Variants in ADAM12 observed in about 807,000 individuals in gnomAD.
The protein encoded by ADAM12 is disintegrin and metalloproteinase domain-containing protein 12.
A neutral mutation model predicts 106.4 loss-of-function variants in ADAM12; 70 were observed. The observed-to-expected ratio is 0.66, with a 90% CI of 0.54 to 0.80. The LOEUF (loss-of-function observed/expected upper bound fraction) is 0.80. Among genes scored for constraint, ADAM12 ranks in the 30% least tolerant of loss-of-function variants. ADAM12 has a pLI of 0.00. For missense variants in ADAM12, 1,010 were observed against 1,171.9 expected (o/e 0.86, Z 2.02); for synonymous variants, 420 against 433.5 (o/e 0.97, Z 0.39).
At chr10:126,119,350 T>C (rs1294265052) in intron 5 of ADAM12, among the ~76,000 whole-genome samples, 3 of 152,216 alleles carry the variant, frequency 2.0e-5, no homozygotes, top group African/African-American at 7.2e-5. Flanking sequence ...CTTCTCAGGG[T>C]TGCTATGTCA....
intron 11 of ADAM12, among the ~76,000 whole-genome samples, chr10:126,092,522 C>G (rs575636901): frequency 6.6e-6 from 1 of 152,192 alleles, no homozygotes; most frequent in Non-Finnish European, 1.5e-5. Context: ...GAACATATTA[C>G]TTTTTAGGGT....
intron 9 of ADAM12, among the ~76,000 whole-genome samples, chr10:126,098,859 A>G (rs1955606364): frequency 6.6e-6 from 1 of 152,244 alleles, no homozygotes; most frequent in African/African-American, 2.4e-5. Flanking sequence ...ACTGTTAACT[A>G]AAAGAAATGC....
intron 1 of ADAM12, among the ~76,000 whole-genome samples, chr10:126,361,151 G>A (rs1300986001): frequency 2.0e-5 from 3 of 152,160 alleles, no homozygotes; most frequent in Admixed American, 6.5e-5. Context: ...TGAGATTTTG[G>A]TGGGGACACA....
intron 3 of ADAM12, among the ~76,000 whole-genome samples, chr10:126,205,223 T>C (rs1957774312): frequency 1.3e-5 from 2 of 152,120 alleles, no homozygotes; most frequent in South Asian, 2.1e-4. Flanking sequence ...CTGAAGCAAG[T>C]TGTACCTTGC....
rs74595415 is a variant in ADAM12, at chr10:126,126,401, A to T, written c.417-8177T>A. Among the ~76,000 whole-genome samples, 207 of 152,174 alleles carry T rather than the reference A, an allele frequency of 1.4e-3. 1 individual carries two copies. The East Asian group carries it at 0.033, about 24-fold the overall frequency. On this transcript the variant is annotated intron_variant, in intron 5 of 22. Transcript: ENST00000448723. ...TCACTAACAACATTTTATTAAATTGATATCTGGCTCCCTTTACACACCCAG... is the reference window on the plus strand; with the variant it reads ...TCACTAACAACATTTTATTAAATTGTTATCTGGCTCCCTTTACACACCCAG...
At chr10:126,087,555 T>C (rs1051309867) in intron 11 of ADAM12, among the ~76,000 whole-genome samples, 3 of 152,226 alleles carry the variant, frequency 2.0e-5, no homozygotes, top group Admixed American at 6.5e-5. Flanking sequence ...AAGATTTTCT[T>C]AAACTTTTCA....
intron 4 of ADAM12, among the ~76,000 whole-genome samples, chr10:126,152,367 A>G (rs1417964048): frequency 6.6e-6 from 1 of 152,048 alleles, no homozygotes; most frequent in Non-Finnish European, 1.5e-5. Context: ...TTAGATTTAA[A>G]AGTTACATCT....
chr10:126,366,332 C>G (rs1855908837), intron 1 of ADAM12, among the ~76,000 whole-genome samples: 1 of 152,068 alleles, frequency 6.6e-6, no homozygotes, highest in African/African-American at 2.4e-5. Context: ...CATATTAATT[C>G]CATGCAGCCT....
intron 1 of ADAM12, among the ~76,000 whole-genome samples, chr10:126,331,001 A>T (rs1425996007): frequency 6.6e-6 from 1 of 152,156 alleles, no homozygotes; most frequent in African/African-American, 2.4e-5. Flanking sequence ...TTAGTAAGTG[A>T]TTCTATAGAC....
intron 3 of ADAM12, among the ~76,000 whole-genome samples, chr10:126,193,500 ACTGGGC>A (rs1352885791): frequency 3.3e-5 from 5 of 152,182 alleles, no homozygotes; most frequent in Admixed American, 2.6e-4. Flanking sequence ...TGTGGTTTAA[ACTGGGC>A]ACTTTAAATA....
rs185327314 is a variant in ADAM12 at position 126,320,611 on chromosome 10, G to A, written c.186+9801C>T. Among the ~76,000 whole-genome samples, 114 of 152,284 alleles carry A rather than the reference G, an allele frequency of 7.5e-4. 1 individual carries two copies. Among genetic ancestry groups the A allele is most frequent in the Non-Finnish European group, 1.3e-3 (90 of 68,008 alleles). On this transcript the variant is annotated intron_variant, in intron 2 of 22. Coordinates refer to ENST00000448723, the MANE Select transcript of ADAM12 (RefSeq NM_001288973.2). ...TTCAAAGAAATTCCACAGTAAACAC[G>A]TAGATGAAGGCTTCCTCAGCTTTCC...
intron 3 of ADAM12, among the ~76,000 whole-genome samples, chr10:126,185,537 A>G (rs757162407): frequency 2.6e-5 from 4 of 152,118 alleles, no homozygotes; most frequent in Non-Finnish European, 5.9e-5. Context: ...AATGGGGCCA[A>G]TTGTGGTCTA....
intron 7 of ADAM12, among the ~76,000 whole-genome samples, 167 bp from the exon 8 acceptor site, chr10:126,108,831 G>A (rs1320451555): frequency 6.6e-6 from 1 of 152,110 alleles, no homozygotes; most frequent in Non-Finnish European, 1.5e-5. Flanking sequence ...TCCCGGCTGG[G>A]GACTCCCTGA....
intron 1 of ADAM12, among the ~76,000 whole-genome samples, chr10:126,369,733 G>A (rs1256347029): frequency 6.6e-6 from 1 of 152,094 alleles, no homozygotes; most frequent in Admixed American, 6.5e-5. Flanking sequence ...AGCCATTCCT[G>A]GTATTTACAA....
chr10:126,173,975 T>C (rs1458963980), intron 3 of ADAM12, among the ~76,000 whole-genome samples: 1 of 150,062 alleles, frequency 6.7e-6, no homozygotes, highest in Admixed American at 6.6e-5. Context: ...TATATATGCC[T>C]ATACACCTTT....
chr10:126,321,458 G>T (rs1337808764), intron 2 of ADAM12, among the ~76,000 whole-genome samples: 2 of 152,170 alleles, frequency 1.3e-5, no homozygotes, highest in Non-Finnish European at 2.9e-5. Context: ...CGAGTGGGTG[G>T]TGAGTGTTGT....
At chr10:126,384,100 A>T (rs1856577095) in intron 1 of ADAM12, among the ~76,000 whole-genome samples, 1 of 152,194 alleles carries the variant, frequency 6.6e-6, no homozygotes. Context: ...CTATCATGAG[A>T]CCATGAGGAA....
chr10:126,246,915 C>T (rs1417939300), intron 3 of ADAM12, among the ~76,000 whole-genome samples: 1 of 152,284 alleles, frequency 6.6e-6, no homozygotes, highest in Admixed American at 6.5e-5. Flanking sequence ...TAAAGGGCAT[C>T]CAAATACGAA....
intron 16 of ADAM12, among the ~76,000 whole-genome samples, chr10:126,048,974 T>C (rs1954399516): frequency 6.6e-6 from 1 of 152,208 alleles, no homozygotes; most frequent in Non-Finnish European, 1.5e-5. Context: ...ATTGTATTTC[T>C]TTCCAAAGTA....
Sources: allele counts gnomAD v4.1 joint callset (sites outside exome capture counted in the v4.1 genomes callset), GRCh38; gene constraint gnomAD v4.1.1; transcripts MANE v1.5; gene names NCBI Gene and HGNC (gene_info 2026-07-23, HGNC 2026-07-21).